The following SMCO2 variants were observed in gnomAD, a reference collection of about 807,000 sequenced individuals.
The protein encoded by SMCO2 is single-pass membrane and coiled-coil domain-containing protein 2.
A neutral mutation model predicts 29.5 loss-of-function variants in SMCO2; 25 were observed. The observed-to-expected ratio is 0.85, with a 90% CI of 0.62 to 1.18. The LOEUF (loss-of-function observed/expected upper bound fraction) is 1.18, where lower values mean the gene tolerates loss of function less well. SMCO2 is among the 50% of genes most tolerant of loss of function. The probability of loss-of-function intolerance (pLI) is 0.00; values close to 1 mark genes in which losing one functional copy is unlikely to be tolerated. For synonymous variants in SMCO2, 117 were observed against 123.3 expected (o/e 0.95, Z 0.34); for missense variants, 348 against 344.5 (o/e 1.01, Z -0.08).
chr12:27,472,948 A>G (rs1949553809), intron 3 of SMCO2, 73 bp downstream of exon 3: 7 of 1,044,548 alleles, frequency 6.7e-6, no homozygotes, highest in Non-Finnish European at 8.6e-6. Context: ...TTCACGCCGC[A>G]TATCTTAAAG....
chr12:27,495,210 T>TGTAAAGAACGTTGTAATTACACAGAAG (rs1555175553), intron 6 of SMCO2, among the ~76,000 whole-genome samples: 3 of 151,284 alleles, frequency 2.0e-5, no homozygotes, highest in South Asian at 2.1e-4. Flanking sequence ...ACCCTATTTG[T>TGTAAAGAACGTTGTAATTACACAGAAG]TTTCTCTTTA....
intron 6 of SMCO2, among the ~76,000 whole-genome samples, 199 bp from the exon 8 acceptor site, chr12:27,495,478 CGTA>C (rs1565683305): frequency 6.7e-6 from 1 of 150,042 alleles, no homozygotes; most frequent in African/African-American, 2.5e-5. Flanking sequence ...AGTTTTCTAC[CGTA>C]GTGCTACCTT....
At chr12:27,455,848 T>G in the SMCO2 span, among the ~76,000 whole-genome samples, 2 of 152,332 alleles carry the variant, frequency 1.3e-5, no homozygotes, top group African/African-American at 4.8e-5. Context: ...GAATGTTCCA[T>G]GACATATTAA....
chr12:27,430,184 A>G, the SMCO2 span, among the ~76,000 whole-genome samples: 1 of 152,138 alleles, frequency 6.6e-6, no homozygotes, highest in African/African-American at 2.4e-5. Flanking sequence ...CTCGTTTTGA[A>G]ATGAAGTAAT....
At chr12:27,430,425 T>C in the SMCO2 span, among the ~76,000 whole-genome samples, 12 of 152,340 alleles carry the variant, frequency 7.9e-5, no homozygotes, top group East Asian at 1.2e-3. Context: ...TTTTTCTGAC[T>C]TTAACATTTC....
chr12:27,474,914 G>GT lies in SMCO2; in HGVS notation c.362+2dup, dbSNP rs1205887196. On this transcript the variant is annotated splice_donor_variant, in intron 4 of 7. Coordinates refer to ENST00000298876, the Ensembl canonical transcript of SMCO2. LOFTEE classifies it high-confidence loss of function. ...TTTCAAAGAAGAACCTCCTTGAACT[G>GT]TAAGTCTTGACACATGCAAGACAGA... is the stretch of plus-strand genomic sequence containing the variant. 30 of 1,550,654 alleles carry GT rather than the reference G, an allele frequency of 1.9e-5. No homozygotes were observed. The highest frequency in any genetic ancestry group is 9.8e-5 in the Admixed American group (5 of 50,964).
At position 27,475,066 on chromosome 12, in the gene SMCO2, G is replaced by T. The variant is rs561491530; in HGVS notation, c.362+153G>T. On this transcript the variant is annotated intron_variant, in intron 4 of 7. Transcript: ENST00000298876. Reference sequence around the variant, plus strand: ...CCTGTGCATAGGTAACTACCTACATGATCTAGCAATAATGTGGTGTAAGGA... The same window carrying T: ...CCTGTGCATAGGTAACTACCTACATTATCTAGCAATAATGTGGTGTAAGGA... Among the ~76,000 whole-genome samples, 3 of 152,276 alleles carry T rather than the reference G, an allele frequency of 2.0e-5. No homozygotes were observed. The South Asian group carries it at 6.2e-4, about 32-fold the overall frequency.
At chr12:27,501,854 G>C in intron 7 of SMCO2, 69 bp from the exon 9 acceptor site, 1 of 1,217,816 alleles carries the variant, frequency 8.2e-7, no homozygotes, top group Non-Finnish European at 1.1e-6. Flanking sequence ...CCTGGGTGGA[G>C]GTGCCAGGAG....
the SMCO2 span, among the ~76,000 whole-genome samples, chr12:27,431,614 T>C: frequency 6.6e-6 from 1 of 152,162 alleles, no homozygotes; most frequent in Non-Finnish European, 1.5e-5. Flanking sequence ...TAATATTCCA[T>C]TGTAGATCAC....
intron 1 of SMCO2, among the ~76,000 whole-genome samples, chr12:27,469,610 T>C (rs540291092): frequency 8.8e-4 from 134 of 152,282 alleles, no homozygotes; most frequent in South Asian, 2.1e-3. Context: ...ACCCTCTAGT[T>C]CTAGGCCAAT....
chr12:27,470,923 T>C (rs1317003011), intron 2 of SMCO2, among the ~76,000 whole-genome samples, 158 bp downstream of exon 2: 3 of 152,086 alleles, frequency 2.0e-5, no homozygotes, highest in Admixed American at 6.5e-5. Context: ...ATATTTACTG[T>C]AGTAGGCCTT....
intron 7 of SMCO2, among the ~76,000 whole-genome samples, chr12:27,498,829 G>A (rs1375442247): frequency 1.3e-5 from 2 of 149,980 alleles, no homozygotes; most frequent in Non-Finnish European, 2.9e-5. Context: ...ATGAAAAGAT[G>A]TTCAGCATCA....
chr12:27,437,448 G>GT, the SMCO2 span, among the ~76,000 whole-genome samples: 35 of 148,462 alleles, frequency 2.4e-4, no homozygotes, highest in African/African-American at 6.7e-4. Flanking sequence ...GCAATTTTGG[G>GT]TTTTTTTTTT....
intron 5 of SMCO2, among the ~76,000 whole-genome samples, chr12:27,489,439 G>A (rs1949717413): frequency 6.6e-6 from 1 of 152,148 alleles, no homozygotes; most frequent in South Asian, 2.1e-4. Flanking sequence ...AGTCCTGGCT[G>A]ATAGTTTTTC....
At chr12:27,497,625 G>A (rs1943022249) in intron 7 of SMCO2, 2 of 152,736 alleles carry the variant, frequency 1.3e-5, no homozygotes, top group Admixed American at 6.6e-5. Flanking sequence ...ACCTACTGGG[G>A]AGGCTGAGGT....
At chr12:27,466,159 C>A (rs543402594), upstream of SMCO2, among the ~76,000 whole-genome samples, 1 of 152,210 alleles carries the variant, frequency 6.6e-6, no homozygotes, top group Non-Finnish European at 1.5e-5. Flanking sequence ...CAGTGGCTCA[C>A]GCCTGTAATC....
intron 1 of SMCO2, among the ~76,000 whole-genome samples, chr12:27,468,009 G>A (rs1949511463): frequency 6.6e-6 from 1 of 152,070 alleles, no homozygotes; most frequent in Non-Finnish European, 1.5e-5. Flanking sequence ...GATAACATTG[G>A]CAAGTGTCTG....
At chr12:27,453,485 A>G in the SMCO2 span, among the ~76,000 whole-genome samples, 5 of 152,362 alleles carry the variant, frequency 3.3e-5, no homozygotes, top group East Asian at 9.6e-4. Context: ...ATGCTCAGAC[A>G]TGAAAGAACA....
the SMCO2 span, among the ~76,000 whole-genome samples, chr12:27,438,756 C>CCGCA: frequency 7.4e-6 from 1 of 134,708 alleles, no homozygotes; most frequent in African/African-American, 2.7e-5. Flanking sequence ...TGGCTTCTCC[C>CCGCA]CCCACCCACC....
Sources: allele counts gnomAD v4.1 joint callset (sites outside exome capture counted in the v4.1 genomes callset), GRCh38; gene constraint gnomAD v4.1.1; transcripts MANE v1.5; gene names NCBI Gene and HGNC (gene_info 2026-07-23, HGNC 2026-07-21).